The following DNAH8 variants were observed in gnomAD, a reference collection of about 807,000 sequenced individuals.
The protein encoded by DNAH8 is dynein axonemal heavy chain 8.
A neutral mutation model predicts 562.1 loss-of-function variants in DNAH8; 382 were observed. The observed-to-expected ratio is 0.68, with a 90% CI of 0.63 to 0.74. The LOEUF is 0.74. Among genes scored for constraint, DNAH8 ranks in the 30% least tolerant of loss-of-function variants. DNAH8 has a pLI of 0.00. For missense variants in DNAH8, 5,203 were observed against 5,620.4 expected (o/e 0.93, Z 2.37); for synonymous variants, 1,881 against 1,919.4 (o/e 0.98, Z 0.52).
chr6:38,878,648 C>T (rs1340406932), intron 53 of DNAH8, among the ~76,000 whole-genome samples: 2 of 152,052 alleles, frequency 1.3e-5, no homozygotes, highest in African/African-American at 4.8e-5. Context: ...CACTACAGTC[C>T]TCACAAACAT....
intron 39 of DNAH8, among the ~76,000 whole-genome samples, chr6:38,852,030 G>T (rs1027691170): frequency 6.6e-6 from 1 of 152,188 alleles, no homozygotes; most frequent in African/African-American, 2.4e-5. Flanking sequence ...CTAGCACACA[G>T]TATGTGTTTA....
intron 83 of DNAH8, among the ~76,000 whole-genome samples, chr6:38,973,261 A>G (rs1193143817): frequency 6.6e-6 from 1 of 152,228 alleles, no homozygotes; most frequent in Non-Finnish European, 1.5e-5. Context: ...CTTTGTAACT[A>G]TGAATAACTG....
intron 22 of DNAH8, among the ~76,000 whole-genome samples, chr6:38,805,135 C>T (rs936870926): frequency 6.6e-6 from 1 of 152,022 alleles, no homozygotes; most frequent in Non-Finnish European, 1.5e-5. Context: ...TCATCACAAG[C>T]GTCAAAAACA....
Position 38,805,468 on chromosome 6 carries a change from C to CT in DNAH8, c.3035-9dup, listed in dbSNP as rs1350365928. 6.5e-7 allele frequency: 1 copy of CT among 1,540,838 alleles called. No homozygotes were observed. Among genetic ancestry groups the CT allele is most frequent in the Non-Finnish European group, 9.0e-7 (1 of 1,114,540 alleles). The stretch of plus-strand genomic sequence containing the variant: ...GTCAAATGTTATATTTTTGTTTTGT[C>CT]TTTTGTCTATAGAACAGCGGAAACA... On this transcript the variant is annotated splice_polypyrimidine_tract_variant and intron_variant, in intron 22 of 92. Coordinates refer to ENST00000327475, the MANE Select transcript of DNAH8 (RefSeq NM_001206927.2).
chr6:39,007,997 C>T (rs1312281769), intron 88 of DNAH8, among the ~76,000 whole-genome samples: 1 of 138,928 alleles, frequency 7.2e-6, no homozygotes, highest in African/African-American at 2.7e-5. Context: ...CTGGTCAACC[C>T]AGCATCTCAG....
chr6:38,949,592 C>T (rs762926401), intron 81 of DNAH8, 22 bp downstream of exon 81: 2 of 1,324,806 alleles, frequency 1.5e-6, no homozygotes, highest in Non-Finnish European at 2.2e-6. Flanking sequence ...CATTATCAGA[C>T]CTAGAAGCAT....
intron 48 of DNAH8, 31 bp from the exon 49 acceptor site, chr6:38,870,370 A>C: frequency 1.2e-6 from 2 of 1,601,250 alleles, no homozygotes; most frequent in South Asian, 1.1e-5. Flanking sequence ...TGACTGAATG[A>C]GTAAATTTAT....
chr6:39,016,155 C>A (rs759432748), intron 91 of DNAH8, among the ~76,000 whole-genome samples: 4 of 152,200 alleles, frequency 2.6e-5, no homozygotes, highest in Admixed American at 1.3e-4. Flanking sequence ...GATCTCCCAA[C>A]ATGAATGTAT....
At chr6:38,957,257 A>G (rs1762305797) in intron 82 of DNAH8, among the ~76,000 whole-genome samples, 1 of 150,800 alleles carries the variant, frequency 6.6e-6, no homozygotes, top group Non-Finnish European at 1.5e-5. Context: ...ACCCAACATC[A>G]GAGCACCTAA....
intron 1 of DNAH8, 79 bp from the exon 2 acceptor site, chr6:38,722,697 T>A: frequency 8.5e-7 from 1 of 1,180,608 alleles, no homozygotes; most frequent in Non-Finnish European, 1.2e-6. Flanking sequence ...TTGCTACTTG[T>A]CTAGCTAAAA....
At chr6:38,808,984 A>G (rs1771551581) in intron 24 of DNAH8, among the ~76,000 whole-genome samples, 1 of 152,078 alleles carries the variant, frequency 6.6e-6, no homozygotes, top group African/African-American at 2.4e-5. Flanking sequence ...AGAAATACCT[A>G]ATGTAGATGA....
chr6:39,025,664 T>C (rs772204454), intron 91 of DNAH8, among the ~76,000 whole-genome samples: 8 of 152,240 alleles, frequency 5.3e-5, no homozygotes. Flanking sequence ...TTGTGTTGTT[T>C]TGTGCATACA....
chr6:38,883,156 T>A (rs1185351268), intron 54 of DNAH8, 104 bp downstream of exon 54: 3 of 1,355,790 alleles, frequency 2.2e-6, no homozygotes, highest in Non-Finnish European at 3.0e-6. Context: ...CATTTTACAT[T>A]TAAATCTGTA....
chr6:39,007,466 A>T (rs1765869376), intron 88 of DNAH8, among the ~76,000 whole-genome samples: 1 of 152,244 alleles, frequency 6.6e-6, no homozygotes, highest in South Asian at 2.1e-4. Context: ...AGCAAACAAA[A>T]CAATAATCCT....
chr6:38,718,635 T>A (rs1051006432), intron 1 of DNAH8, among the ~76,000 whole-genome samples: 4 of 152,208 alleles, frequency 2.6e-5, no homozygotes, highest in Non-Finnish European at 4.4e-5. Flanking sequence ...TATTTATAAT[T>A]TATTTTTTTC....
intron 62 of DNAH8, among the ~76,000 whole-genome samples, chr6:38,900,787 T>G (rs533932203): frequency 2.0e-5 from 3 of 152,172 alleles, no homozygotes; most frequent in Non-Finnish European, 4.4e-5. Context: ...CAGCCAATTT[T>G]TGTATTTTTA....
intron 76 of DNAH8, chr6:38,932,762 A>C (rs925465664): frequency 6.6e-6 from 1 of 152,200 alleles, no homozygotes; most frequent in Non-Finnish European, 1.5e-5. Flanking sequence ...CAGACAGAGG[A>C]GGGAAAAGAG....
chr6:38,894,994 T>C, intron 59 of DNAH8, 130 bp downstream of exon 59: 1 of 914,570 alleles, frequency 1.1e-6, no homozygotes, highest in Non-Finnish European at 1.6e-6. Context: ...AATGGTGCGA[T>C]CTCAGCTGAC....
intron 38 of DNAH8, among the ~76,000 whole-genome samples, chr6:38,851,201 G>A (rs1775713593): frequency 1.3e-5 from 2 of 152,086 alleles, no homozygotes; most frequent in South Asian, 2.1e-4. Flanking sequence ...GTCTGTCCTG[G>A]CTTAATGGTT....
Sources: gnomAD v4.1 joint callset for allele counts (sites outside exome capture counted in the v4.1 genomes callset) on GRCh38, gnomAD v4.1.1 for gene constraint, MANE v1.5 for transcripts, NCBI Gene and HGNC (gene_info 2026-07-23, HGNC 2026-07-21) for gene names.